The following EGFR variants were observed in gnomAD, a reference collection of about 807,000 sequenced individuals.
EGFR encodes the protein epidermal growth factor receptor, also known as avian erythroblastic leukemia viral (v-erb-b) oncogene homolog.
EGFR carries 58 observed loss-of-function variants against 143.0 expected under a neutral mutation model. That is an observed-to-expected ratio of 0.41 (90% CI 0.33 to 0.50). The LOEUF (loss-of-function observed/expected upper bound fraction) is 0.50, where lower values mean the gene tolerates loss of function less well. Among genes scored for constraint, EGFR ranks in the 20% least tolerant of loss-of-function variants. The pLI is 0.39. For synonymous variants in EGFR, 613 were observed against 594.4 expected, an observed-to-expected ratio of 1.03 and a Z score of -0.45; for missense variants, 1,307 against 1,579.0, an observed-to-expected ratio of 0.83 and a Z score of 2.92.
intron 7 of EGFR, among the ~76,000 whole-genome samples, chr7:55,154,619 T>C (rs571030414): frequency 4.3e-4 from 65 of 152,382 alleles, no homozygotes; most frequent in Non-Finnish European, 6.9e-4. Flanking sequence ...TTATGCCTCT[T>C]AGGAGTATTG....
intron 20 of EGFR, among the ~76,000 whole-genome samples, chr7:55,188,658 A>G (rs868638793): frequency 2.0e-5 from 3 of 152,182 alleles, no homozygotes; most frequent in African/African-American, 2.4e-5. Context: ...CTCTGCTCGG[A>G]CCCTGGGAGC....
At chr7:55,053,476 C>T (rs1788608938) in intron 1 of EGFR, among the ~76,000 whole-genome samples, 1 of 152,222 alleles carries the variant, frequency 6.6e-6, no homozygotes, top group Non-Finnish European at 1.5e-5. Flanking sequence ...GTCTCTGGGC[C>T]TTCTCTTAGA....
At chr7:55,020,974 G>C (rs1199164640) in intron 1 of EGFR, among the ~76,000 whole-genome samples, 1 of 152,074 alleles carries the variant, frequency 6.6e-6, no homozygotes, top group Non-Finnish European at 1.5e-5. Flanking sequence ...ACCTGGACTT[G>C]GGATTTTTTT....
In EGFR at chr7:55,200,330, G is replaced by T. The variant is rs201830126; in HGVS notation, c.2863G>T (p.Ala955Ser). 1 of 1,614,054 alleles carries T rather than the reference G, an allele frequency of 6.2e-7. No individual in the cohort carries two copies. The highest frequency in any genetic ancestry group is 8.5e-7 in the Non-Finnish European group (1 of 1,179,994). ...MIMVKCWMID[A>S]DSRPKFRELI... The stretch of plus-strand genomic sequence containing the variant: ...TCCTTCCCCAGGCTGGATGATAGAC[G>T]CAGATAGTCGCCCAAAGTTCCGTGA... Residue 955 changes from alanine (A) to serine (S), a missense_variant, in exon 24 of 28, where the codon GCA becomes TCA. Transcript: ENST00000275493.
At chr7:55,101,375 G>T (rs1791814859) in intron 1 of EGFR, among the ~76,000 whole-genome samples, 1 of 152,216 alleles carries the variant, frequency 6.6e-6, no homozygotes, top group Admixed American at 6.5e-5. Flanking sequence ...TGTTCTTTCT[G>T]TCGCTCTATT....
intron 1 of EGFR, among the ~76,000 whole-genome samples, chr7:55,120,553 G>A (rs185699802): frequency 6.6e-6 from 1 of 152,292 alleles, no homozygotes; most frequent in East Asian, 1.9e-4. Context: ...ATGGGTGGTG[G>A]TGGGAGAAAT....
intron 1 of EGFR, among the ~76,000 whole-genome samples, chr7:55,100,188 T>C (rs114418317): frequency 0.015 from 2,327 of 152,302 alleles, 59 homozygotes; most frequent in African/African-American, 0.053. Context: ...GCCCAGGGAA[T>C]GGGCAGAGCT....
intron 1 of EGFR, among the ~76,000 whole-genome samples, chr7:55,054,188 A>G (rs1788655024): frequency 6.6e-6 from 1 of 152,190 alleles, no homozygotes; most frequent in Non-Finnish European, 1.5e-5. Flanking sequence ...GCTCCTGCTT[A>G]TACCTGGCAC....
rs547219627 is a variant in EGFR, at chr7:55,207,250, C to T, written c.*1633C>T. ...TTTGCTTTTAAAGTAATTTTTGACT[C>T]CCAGATCAGTCAGAGCCCCTACAGC... On this transcript the variant is annotated 3_prime_UTR_variant, in exon 28 of 28. Coordinates refer to ENST00000275493, the MANE Select transcript of EGFR (RefSeq NM_005228.5). The T allele has an allele frequency of 4.3e-6, 1 of 232,998 alleles. No homozygotes were observed. The highest frequency in any genetic ancestry group is 6.1e-5 in the East Asian group (1 of 16,524). The allele number at this position is 232,998 out of a possible 1,614,324, so 14.4% of individuals were successfully genotyped here.
intron 1 of EGFR, among the ~76,000 whole-genome samples, chr7:55,115,883 C>G (rs1792809564): frequency 1.3e-5 from 2 of 152,194 alleles, no homozygotes; most frequent in South Asian, 4.2e-4. Context: ...TTTGCCATAA[C>G]TTTAAGTTTT....
intron 1 of EGFR, among the ~76,000 whole-genome samples, chr7:55,115,344 A>G (rs530568661): frequency 6.6e-6 from 1 of 152,332 alleles, no homozygotes; most frequent in East Asian, 1.9e-4. Flanking sequence ...AGGTTTATTT[A>G]CATTTCATTT....
rs1450382333 is a variant in EGFR at position 55,168,744 on chromosome 7, G to A, written c.1881-2431G>A. On this transcript the variant is annotated intron_variant, in intron 15 of 27. Transcript: ENST00000275493. ...ATATAATCTTGTTATTGCCACCTGT[G>A]TCTTCTCCCAAAGCCATTAATTATA... 4.9e-6 allele frequency: 3 copies of A among 611,278 alleles called. No homozygotes were observed. In the African/African-American group the frequency reaches 5.6e-5, roughly 11 times the overall value. The allele number at this position is 611,278 out of a possible 1,614,324, so 37.9% of individuals were successfully genotyped here. A position where few individuals can be genotyped will look rare whatever the true frequency, so the allele number is the denominator to read the frequency against.
chr7:55,103,851 G>A (rs747573779), intron 1 of EGFR, among the ~76,000 whole-genome samples: 14 of 152,174 alleles, frequency 9.2e-5, no homozygotes, highest in Non-Finnish European at 1.5e-4. Flanking sequence ...ATCATCTCTG[G>A]TTTAAGAATA....
At chr7:55,020,099 C>T (rs929493790) in intron 1 of EGFR, among the ~76,000 whole-genome samples, 6 of 152,212 alleles carry the variant, frequency 3.9e-5, no homozygotes, top group Non-Finnish European at 8.8e-5. Context: ...GTGCTGGCGG[C>T]GGTTAGTTTC....
intron 1 of EGFR, among the ~76,000 whole-genome samples, chr7:55,082,878 T>C (rs760252791): frequency 1.3e-5 from 2 of 152,234 alleles, no homozygotes; most frequent in Non-Finnish European, 2.9e-5. Context: ...ATGATGCCCC[T>C]GGCCTCTCCC....
At chr7:55,161,716 G>T in intron 13 of EGFR, 85 bp downstream of exon 13, 2 of 1,605,296 alleles carry the variant, frequency 1.2e-6, no homozygotes, top group South Asian at 1.1e-5. Context: ...CATTCTGTTT[G>T]ATTTTCTCTT....
At chr7:55,179,523 G>C (rs866043857) in intron 19 of EGFR, among the ~76,000 whole-genome samples, 1 of 152,226 alleles carries the variant, frequency 6.6e-6, no homozygotes, top group African/African-American at 2.4e-5. Flanking sequence ...AAGGGTGGAG[G>C]GAAGCTCTCC....
At chr7:55,142,523 GTTTATTT>G in intron 2 of EGFR, 86 bp downstream of exon 2, 1 of 1,548,802 alleles carries the variant, frequency 6.5e-7, no homozygotes, top group East Asian at 2.2e-5. Flanking sequence ...CTTGAAGTGT[GTTTATTT>G]TTGCTATGGC....
intron 15 of EGFR, chr7:55,170,303 C>G (rs2128950405): frequency 6.2e-7 from 1 of 1,614,162 alleles, no homozygotes; most frequent in Non-Finnish European, 8.5e-7. Context: ...CCATCTTTCT[C>G]CAGGCCAGGA....
Sources: gnomAD v4.1 joint callset for allele counts (sites outside exome capture counted in the v4.1 genomes callset) on GRCh38, gnomAD v4.1.1 for gene constraint, MANE v1.5 for transcripts, NCBI Gene and HGNC (gene_info 2026-07-23, HGNC 2026-07-21) for gene names.